The following WWOX variants were observed in gnomAD, a reference collection of about 807,000 sequenced individuals.
The protein encoded by WWOX is WW domain-containing oxidoreductase.
In WWOX, 69 loss-of-function variants were observed where a neutral mutation model predicts 46.2. That is an observed-to-expected ratio of 1.49 (90% CI 1.23 to 1.82). The LOEUF (loss-of-function observed/expected upper bound fraction) is 1.82. Ranked by LOEUF, WWOX falls within the 40% of genes most tolerant of loss-of-function variation. The pLI is 0.00. For missense variants in WWOX, 919 were observed against 542.6 expected (o/e 1.69, Z -6.89); for synonymous variants, 359 against 202.6 (o/e 1.77, Z -6.56).
intron 5 of WWOX, among the ~76,000 whole-genome samples, chr16:78,361,738 A>C (rs8052976): frequency 0.22 from 33,156 of 151,992 alleles, 5,189 homozygotes; most frequent in African/African-American, 0.44. Flanking sequence ...CAGCCTCCCA[A>C]GGAGCTGGGA....
At chr16:78,995,030 G>T (rs1463541268) in intron 8 of WWOX, among the ~76,000 whole-genome samples, 1 of 121,726 alleles carries the variant, frequency 8.2e-6, no homozygotes, top group Non-Finnish European at 1.6e-5. Context: ...TATGCACAAT[G>T]CGCTGAGAAA....
intron 8 of WWOX, among the ~76,000 whole-genome samples, chr16:79,123,613 A>C (rs1369032043): frequency 1.3e-5 from 2 of 152,160 alleles, no homozygotes; most frequent in East Asian, 3.9e-4. Context: ...TAGAGCCAGC[A>C]GTCAAAATAG....
chr16:78,484,926 G>A (rs1408893891), intron 8 of WWOX, among the ~76,000 whole-genome samples: 1 of 152,114 alleles, frequency 6.6e-6, no homozygotes, highest in Admixed American at 6.5e-5. Flanking sequence ...TTTCCGGGCT[G>A]TTTGTGTACT....
intron 8 of WWOX, among the ~76,000 whole-genome samples, chr16:78,880,400 T>C (rs751666866): frequency 2.6e-5 from 4 of 152,226 alleles, no homozygotes; most frequent in Non-Finnish European, 2.9e-5. Context: ...CCGGGAATTA[T>C]GCGATTACAA....
intron 8 of WWOX, among the ~76,000 whole-genome samples, chr16:78,478,329 C>T (rs377325622): frequency 2.6e-5 from 4 of 152,078 alleles, no homozygotes; most frequent in South Asian, 4.1e-4. Context: ...GTTTAAAATT[C>T]CCTTAAATGA....
chr16:78,460,415 T>A (rs2083922391), intron 8 of WWOX, among the ~76,000 whole-genome samples: 2 of 152,234 alleles, frequency 1.3e-5, no homozygotes, highest in Admixed American at 6.5e-5. Context: ...GCTGATACTT[T>A]CCTTAGTTGT....
chr16:78,264,001 T>TTTTTTTTTTTC (rs2079306184), intron 5 of WWOX, among the ~76,000 whole-genome samples: 1 of 137,576 alleles, frequency 7.3e-6, no homozygotes, highest in African/African-American at 2.8e-5. Flanking sequence ...GAAATCTTTT[T>TTTTTTTTTTTC]TTTTTTTTTT....
chr16:78,204,008 G>C (rs11861613), intron 5 of WWOX, among the ~76,000 whole-genome samples: 1 of 152,142 alleles, frequency 6.6e-6, no homozygotes, highest in Non-Finnish European at 1.5e-5. Context: ...TGGACATGGC[G>C]GTGTGGCCAC....
intron 8 of WWOX, among the ~76,000 whole-genome samples, chr16:78,804,639 G>C (rs373687333): frequency 7.9e-5 from 12 of 152,320 alleles, no homozygotes; most frequent in African/African-American, 2.9e-4. Flanking sequence ...ATGAGCCTTT[G>C]AGTGTAGCAG....
At chr16:78,634,532 C>A (rs57817377) in intron 8 of WWOX, among the ~76,000 whole-genome samples, 1 of 151,734 alleles carries the variant, frequency 6.6e-6, no homozygotes, top group Non-Finnish European at 1.5e-5. Context: ...ATGGTGAAAC[C>A]CCGTCTCTAC....
chr16:78,900,846 TGA>T (rs1567636404), intron 8 of WWOX, among the ~76,000 whole-genome samples: 1 of 61,652 alleles, frequency 1.6e-5, no homozygotes, highest in South Asian at 7.8e-4. Context: ...AGCCTTTTTT[TGA>T]AAAAAAAAAA....
chr16:78,324,494 T>C (rs1276301796), intron 5 of WWOX, among the ~76,000 whole-genome samples: 1 of 152,150 alleles, frequency 6.6e-6, no homozygotes, highest in East Asian at 1.9e-4. Flanking sequence ...TGTTAATAGC[T>C]GCATTGTTCT....
chr16:78,160,378 G>A (rs1205781883), intron 4 of WWOX, among the ~76,000 whole-genome samples: 1 of 152,006 alleles, frequency 6.6e-6, no homozygotes, highest in Non-Finnish European at 1.5e-5. Context: ...ACCCGCCTCG[G>A]CCACCCCGAT....
intron 4 of WWOX, among the ~76,000 whole-genome samples, chr16:78,153,459 A>G (rs1427724857): frequency 1.3e-5 from 2 of 152,078 alleles, no homozygotes; most frequent in Non-Finnish European, 2.9e-5. Flanking sequence ...ATTGTCCCCA[A>G]ATCTAACCCA....
intron 8 of WWOX, among the ~76,000 whole-genome samples, chr16:78,888,841 C>G (rs969702347): frequency 6.6e-6 from 1 of 151,966 alleles, no homozygotes; most frequent in Non-Finnish European, 1.5e-5. Context: ...ATAGTCTCAA[C>G]TATGTCTCAA....
At chr16:79,210,869 C>G (rs548505210) in intron 8 of WWOX, among the ~76,000 whole-genome samples, 1 of 152,322 alleles carries the variant, frequency 6.6e-6, no homozygotes, top group Admixed American at 6.5e-5. Flanking sequence ...ATCAGCTGCA[C>G]TCTTTGCAAC....
rs1567553452 is a variant in WWOX at position 78,406,343 on chromosome 16, TATATATA to T, written c.606-18526_606-18520del. ...ATATATATATATATATATATATATA[TATATATA>T]TATATTTTATTATTTTTTTTTGAGA... On this transcript the variant is annotated intron_variant, in intron 6 of 8. Transcript: ENST00000566780. 7.7e-5 allele frequency among the ~76,000 whole-genome samples: 8 copies of T among 103,242 alleles called. 1 individual carries two copies. The highest frequency in any genetic ancestry group is 5.1e-4 in the African/African-American group (8 of 15,578). 67.7% of individuals were successfully genotyped at this position (103,242 alleles called of 152,430 possible).
At chr16:78,965,330 A>C (rs1184435945) in intron 8 of WWOX, among the ~76,000 whole-genome samples, 1 of 152,078 alleles carries the variant, frequency 6.6e-6, no homozygotes, top group African/African-American at 2.4e-5. Context: ...GCACGTTGGG[A>C]GGCTGAGGTG....
At chr16:78,762,782 A>G (rs2049825766) in intron 8 of WWOX, among the ~76,000 whole-genome samples, 1 of 152,006 alleles carries the variant, frequency 6.6e-6, no homozygotes, top group African/African-American at 2.4e-5. Flanking sequence ...AAGTTACTTA[A>G]CCTCTCTGGC....
Sources: gnomAD v4.1 joint callset for allele counts (sites outside exome capture counted in the v4.1 genomes callset) on GRCh38, gnomAD v4.1.1 for gene constraint, MANE v1.5 for transcripts, NCBI Gene and HGNC (gene_info 2026-07-23, HGNC 2026-07-21) for gene names.